CUBN: variants seen among roughly 807,000 people sequenced by gnomAD.
The protein encoded by CUBN is 460 kDa receptor.
CUBN carries 282 observed loss-of-function variants against 405.3 expected under a neutral mutation model. The observed-to-expected ratio is 0.70, with a 90% CI of 0.63 to 0.77. CUBN has a LOEUF of 0.77. CUBN is among the 30% of genes least tolerant of loss of function. The pLI is 0.00. For synonymous variants in CUBN, 1,684 were observed against 1,617.0 expected, an observed-to-expected ratio of 1.04 and a Z score of -0.99; for missense variants, 4,514 against 4,475.2, an observed-to-expected ratio of 1.01 and a Z score of -0.25.
intron 2 of CUBN, among the ~76,000 whole-genome samples, chr10:17,128,202 G>A (rs1246398789): frequency 6.6e-6 from 1 of 152,072 alleles, no homozygotes; most frequent in African/African-American, 2.4e-5. Context: ...AAGAAACCTG[G>A]CTTGGAAGCA....
chr10:16,869,564 G>T (rs1395229285), intron 59 of CUBN, 72 bp downstream of exon 59: 8 of 986,360 alleles, frequency 8.1e-6, no homozygotes, highest in Non-Finnish European at 1.3e-5. Context: ...GGGTGGGGGG[G>T]GGGCGGGGAA....
chr10:16,865,217 G>A (rs573006174), intron 59 of CUBN, among the ~76,000 whole-genome samples: 1 of 150,302 alleles, frequency 6.7e-6, no homozygotes, highest in Admixed American at 6.6e-5. Context: ...TGATCTGCCT[G>A]CCTCAGCCTC....
At chr10:16,939,544 G>C (rs1842600850) in intron 37 of CUBN, among the ~76,000 whole-genome samples, 1 of 152,202 alleles carries the variant, frequency 6.6e-6, no homozygotes, top group Non-Finnish European at 1.5e-5. Flanking sequence ...ATATGAAATA[G>C]CCAATAATGG....
At chr10:17,021,013 G>A (rs1280671881) in intron 27 of CUBN, among the ~76,000 whole-genome samples, 1 of 152,120 alleles carries the variant, frequency 6.6e-6, no homozygotes, top group Non-Finnish European at 1.5e-5. Context: ...GTGGAGCTTT[G>A]TCAATTATGA....
At chr10:16,907,905 C>T (rs182123611) in intron 48 of CUBN, among the ~76,000 whole-genome samples, 16 of 152,244 alleles carry the variant, frequency 1.1e-4, no homozygotes, top group African/African-American at 3.9e-4. Context: ...TGCAGTAATG[C>T]CTTCCTGCCA....
At chr10:17,000,754 A>C in intron 28 of CUBN, among the ~76,000 whole-genome samples, 1 of 152,198 alleles carries the variant, frequency 6.6e-6, no homozygotes, top group Non-Finnish European at 1.5e-5. Context: ...TCCATTGCTT[A>C]GTGGATGTGT....
intron 48 of CUBN, among the ~76,000 whole-genome samples, chr10:16,910,042 TTTC>T (rs1246884104): frequency 6.6e-6 from 1 of 151,992 alleles, no homozygotes; most frequent in Non-Finnish European, 1.5e-5. Context: ...TCTTCACTCT[TTTC>T]TTTTTTTTCT....
intron 34 of CUBN, among the ~76,000 whole-genome samples, chr10:16,949,131 T>TA (rs1842857117): frequency 6.6e-6 from 1 of 152,206 alleles, no homozygotes. Flanking sequence ...AGGATTGACC[T>TA]ACTATTTATA....
At chr10:16,848,866 T>C (rs2131333800) in intron 60 of CUBN, among the ~76,000 whole-genome samples, 1 of 152,000 alleles carries the variant, frequency 6.6e-6, no homozygotes, top group South Asian at 2.1e-4. Context: ...CACACCCAGA[T>C]AATTGTTTTG....
intron 60 of CUBN, among the ~76,000 whole-genome samples, chr10:16,848,400 G>A (rs75701010): frequency 0.017 from 2,564 of 152,276 alleles, 87 homozygotes; most frequent in African/African-American, 0.058. Flanking sequence ...AAAAAGGGAG[G>A]TAAATTTGTT....
chr10:17,106,082 C>G (rs1486686793), intron 10 of CUBN, among the ~76,000 whole-genome samples: 2 of 151,786 alleles, frequency 1.3e-5, no homozygotes, highest in Non-Finnish European at 2.9e-5. Flanking sequence ...TTCAGGAGTT[C>G]GAGACCAGCC....
At chr10:16,879,031 C>A (rs1001598434) in intron 56 of CUBN, among the ~76,000 whole-genome samples, 1 of 152,208 alleles carries the variant, frequency 6.6e-6, no homozygotes, top group African/African-American at 2.4e-5. Flanking sequence ...AACATTCATG[C>A]ATGAGATTTT....
intron 27 of CUBN, among the ~76,000 whole-genome samples, chr10:17,035,563 G>A (rs1373235864): frequency 6.6e-6 from 1 of 152,180 alleles, no homozygotes; most frequent in African/African-American, 2.4e-5. Flanking sequence ...ATATGCCACA[G>A]CACTGAAAGG....
intron 33 of CUBN, 132 bp downstream of exon 33, chr10:16,952,144 T>C: frequency 2.8e-6 from 2 of 702,916 alleles, no homozygotes; most frequent in Non-Finnish European, 5.3e-6. Context: ...ACATCAGGAA[T>C]TGGGACTTGC....
chr10:17,077,106 T>C (rs1835869877), intron 17 of CUBN, among the ~76,000 whole-genome samples: 1 of 152,160 alleles, frequency 6.6e-6, no homozygotes, highest in Non-Finnish European at 1.5e-5. Flanking sequence ...GTGAATCGCA[T>C]TTGCAAGGAA....
At position 17,047,570 on chromosome 10, in the gene CUBN, G is replaced by A. The variant is rs759499672; in HGVS notation, c.3173C>T (p.Thr1058Ile). ...ATTGGGGAAGTTTGGAGAAGTGAAT[G>A]TCCCCAAATCATCTGTGTAGTCTTG... ...CLQDYTDDLG[T>I]FTSPNFPNNY... Residue 1058 changes from threonine to isoleucine, a missense_variant, in exon 23 of 67, where the codon ACA (threonine) becomes ATA (isoleucine). By Grantham distance (89) the Thr-to-Ile change is moderately conservative. Transcript: ENST00000377833. 5.6e-6 allele frequency: 9 copies of A among 1,613,916 alleles called. 1 individual carries two copies. The East Asian group carries it at 1.1e-4, about 20-fold the overall frequency.
At chr10:16,955,691 T>C (rs1564446015) in intron 31 of CUBN, among the ~76,000 whole-genome samples, 1 of 152,212 alleles carries the variant, frequency 6.6e-6, no homozygotes, top group Non-Finnish European at 1.5e-5. Context: ...TGCCAGGAAC[T>C]GGATTCAGCC....
intron 56 of CUBN, among the ~76,000 whole-genome samples, chr10:16,881,734 C>A (rs145871017): frequency 1.3e-5 from 2 of 152,012 alleles, no homozygotes; most frequent in African/African-American, 2.4e-5. Context: ...CAAAAGAAAT[C>A]AAACATGTAC....
chr10:16,864,870 G>C (rs900289769), intron 59 of CUBN, among the ~76,000 whole-genome samples: 1 of 144,776 alleles, frequency 6.9e-6, no homozygotes, highest in African/African-American at 2.5e-5. Flanking sequence ...AGCTGGCCTC[G>C]AACTCCCGAC....
Sources: gnomAD v4.1 joint callset for allele counts (sites outside exome capture counted in the v4.1 genomes callset) on GRCh38, gnomAD v4.1.1 for gene constraint, MANE v1.5 for transcripts, NCBI Gene and HGNC (gene_info 2026-07-23, HGNC 2026-07-21) for gene names.